Variants in CSE1L observed in about 807,000 individuals in gnomAD.
CSE1L encodes the protein exportin-2.
A neutral mutation model predicts 120.4 loss-of-function variants in CSE1L; 24 were observed. That is an observed-to-expected ratio of 0.20 (90% CI 0.14 to 0.28). The LOEUF (loss-of-function observed/expected upper bound fraction) is 0.28, where lower values mean the gene tolerates loss of function less well. Ranked by LOEUF, CSE1L falls within the 10% of genes least tolerant of loss-of-function variation. The pLI is 1.00. For missense variants in CSE1L, 830 were observed against 1,145.2 expected (o/e 0.72, Z 3.97); for synonymous variants, 402 against 398.3 (o/e 1.01, Z -0.11).
At chr20:49,073,456 T>C (rs2091946777) in intron 10 of CSE1L, among the ~76,000 whole-genome samples, 1 of 152,080 alleles carries the variant, frequency 6.6e-6, no homozygotes, top group African/African-American at 2.4e-5. Flanking sequence ...TTCTAACAGT[T>C]GTGAAGAACA....
intron 1 of CSE1L, among the ~76,000 whole-genome samples, chr20:49,054,462 C>G (rs751602318): frequency 2.6e-5 from 4 of 152,168 alleles, no homozygotes; most frequent in African/African-American, 4.8e-5. Flanking sequence ...TCATTTCCAC[C>G]TAAGAGGCAG....
chr20:49,059,607 C>T (rs952343720), intron 2 of CSE1L, among the ~76,000 whole-genome samples: 1 of 152,054 alleles, frequency 6.6e-6, no homozygotes, highest in Non-Finnish European at 1.5e-5. Flanking sequence ...GGGCCGGGTG[C>T]GGTGGCTCAC....
At chr20:49,076,424 G>A (rs772749818) in intron 12 of CSE1L, among the ~76,000 whole-genome samples, 30 of 151,258 alleles carry the variant, frequency 2.0e-4, no homozygotes, top group Non-Finnish European at 4.0e-4. Flanking sequence ...GACCTCAGGT[G>A]ATCCACCTGC....
chr20:49,084,476 C>A (rs957636024), intron 15 of CSE1L, among the ~76,000 whole-genome samples: 9 of 151,924 alleles, frequency 5.9e-5, no homozygotes, highest in Non-Finnish European at 1.2e-4. Context: ...GCAGCCAGGG[C>A]AAAGAGGGAA....
intron 8 of CSE1L, among the ~76,000 whole-genome samples, chr20:49,070,925 G>A (rs965484031): frequency 6.6e-6 from 1 of 152,238 alleles, no homozygotes; most frequent in Admixed American, 6.5e-5. Context: ...CTGGGAGACA[G>A]AGGGAGACCT....
Position 49,075,508 on chromosome 20 carries a change from C to T in CSE1L, c.1323C>T (p.Ala441=). The change falls in exon 12 of 25, where the codon GCC becomes GCT. Residue 441 remains alanine, a synonymous_variant. Transcript: ENST00000262982. The stretch of plus-strand genomic sequence containing the variant: ...TAGTGACATCTTTGGCATCAAAAGC[C>T]CAAACACAGAAGGTAAATATTTTTA... The part of the protein sequence containing the change: ...IYLVTSLASK[A]QTQKHGITQA... The T allele has an allele frequency of 6.2e-7, 1 of 1,613,784 alleles. No homozygotes were observed. Among genetic ancestry groups the T allele is most frequent in the Non-Finnish European group, 8.5e-7 (1 of 1,179,824 alleles).
intron 1 of CSE1L, among the ~76,000 whole-genome samples, chr20:49,052,932 GT>G (rs1246779975): frequency 2.0e-5 from 3 of 152,134 alleles, no homozygotes; most frequent in African/African-American, 7.2e-5. Flanking sequence ...AATCTAAGGA[GT>G]TTTAGTTGAG....
intron 21 of CSE1L, among the ~76,000 whole-genome samples, chr20:49,091,668 G>T (rs927750681): frequency 6.6e-6 from 1 of 152,144 alleles, no homozygotes; most frequent in Non-Finnish European, 1.5e-5. Flanking sequence ...GGCTGCGTGA[G>T]CTGTGATCAC....
rs140946948 is a variant in CSE1L, at chr20:49,070,720, C to A, written c.768+423C>A. The stretch of plus-strand genomic sequence containing the variant: ...CCAAGGTGGGGAGGATCCCTTGAGC[C>A]CAGGAGTTCAAGACCAGCCTTGGCA... On this transcript the variant is annotated intron_variant, in intron 8 of 24. Coordinates refer to ENST00000262982, the MANE Select transcript of CSE1L (RefSeq NM_001316.4). Among the ~76,000 whole-genome samples, 642 of 152,194 alleles carry A rather than the reference C, an allele frequency of 4.2e-3. 2 individuals are homozygous for A. Among genetic ancestry groups the A allele is most frequent in the African/African-American group, 0.015 (621 of 41,536 alleles).
rs60161542 is a variant in CSE1L at position 49,067,031 on chromosome 20, C to CAAAAAA, written c.477-139_477-134dup. ...TGGGCGACAGAGCGAGACTCCGTCT[C>CAAAAAA]AAAAAAAAAAAAAAAAAAAAAAAAA... On this transcript the variant is annotated intron_variant, in intron 5 of 24. Transcript: ENST00000262982. 3.8e-3 allele frequency among the ~76,000 whole-genome samples: 380 copies of CAAAAAA among 100,412 alleles called. 16 individuals carry two copies. Among genetic ancestry groups the CAAAAAA allele is most frequent in the Middle Eastern group, 8.1e-3 (1 of 124 alleles). 65.9% of individuals were successfully genotyped at this position (100,412 alleles called of 152,430 possible). A position where few individuals can be genotyped will look rare whatever the true frequency, so the allele number is the denominator to read the frequency against.
rs368868894 is a variant in CSE1L at position 49,062,883 on chromosome 20, A to G, written c.86-319A>G. 2.0e-5 allele frequency among the ~76,000 whole-genome samples: 3 copies of G among 151,980 alleles called. No individual in the cohort carries two copies. In the East Asian group the frequency reaches 5.8e-4, roughly 29 times the overall value. On this transcript the variant is annotated intron_variant, in intron 2 of 24. Transcript: ENST00000262982. ...CCTTTCTGAAATAAGACCTGGGTAT[A>G]TGAAGTCTTGAAGCCACTTAATCTG...
chr20:49,075,905 C>T (rs138167527), intron 12 of CSE1L, among the ~76,000 whole-genome samples: 2 of 152,198 alleles, frequency 1.3e-5, no homozygotes, highest in African/African-American at 4.8e-5. Flanking sequence ...GATCTCAGCT[C>T]ACTGCAACCT....
chr20:49,090,132 A>AAAT lies in CSE1L; in HGVS notation c.2181+401_2181+403dup, dbSNP rs538671130. Among the ~76,000 whole-genome samples, 312 of 152,162 alleles carry AAAT rather than the reference A, an allele frequency of 2.1e-3. 1 individual carries two copies. Among genetic ancestry groups the AAAT allele is most frequent in the African/African-American group, 7.0e-3 (289 of 41,516 alleles). On this transcript the variant is annotated intron_variant, in intron 19 of 24. Coordinates refer to ENST00000262982, the MANE Select transcript of CSE1L (RefSeq NM_001316.4). ...AGAGCTAGACCCTGTCTCTTAAAAA[A>AAAT]AATAATAATAATAATAACGGAAATA...
At chr20:49,047,550 TTCTTTTCTCTTTTC>T (rs1568757149) in intron 1 of CSE1L, among the ~76,000 whole-genome samples, 1 of 142,436 alleles carries the variant, frequency 7.0e-6, no homozygotes, top group Non-Finnish European at 1.5e-5. Flanking sequence ...CTTTTTCTTT[TTCTTTTCTCTTTTC>T]TTTTTTTTTT....
intron 16 of CSE1L, among the ~76,000 whole-genome samples, chr20:49,086,603 G>A (rs796393268): frequency 1.3e-5 from 2 of 152,064 alleles, no homozygotes; most frequent in African/African-American, 4.8e-5. Flanking sequence ...GACCTCAGGT[G>A]ATCCACCCGC....
intron 19 of CSE1L, among the ~76,000 whole-genome samples, 163 bp downstream of exon 19, chr20:49,089,909 G>A (rs1450655297): frequency 1.3e-5 from 2 of 152,126 alleles, no homozygotes; most frequent in Non-Finnish European, 2.9e-5. Flanking sequence ...CTTGAGCCGA[G>A]GAGTTTAAGA....
At chr20:49,058,385 G>T (rs1205753346) in intron 1 of CSE1L, 68 bp from the exon 2 acceptor site, 2 of 1,160,820 alleles carry the variant, frequency 1.7e-6, no homozygotes, top group Non-Finnish European at 2.5e-6. Flanking sequence ...AATATAAACG[G>T]ATTTCTTTAA....
Position 49,088,000 on chromosome 20 carries a change from A to G in CSE1L, c.1724-9A>G, listed in dbSNP as rs1308165462. Reference sequence around the variant, plus strand: ...CTCTATTTGTTTTTGCTGTTTTTGTATTTTACAGCTATCATGAGAAGTTTT... The same window carrying G: ...CTCTATTTGTTTTTGCTGTTTTTGTGTTTTACAGCTATCATGAGAAGTTTT... On this transcript the variant is annotated splice_polypyrimidine_tract_variant and intron_variant, in intron 16 of 24. Coordinates refer to ENST00000262982, the MANE Select transcript of CSE1L (RefSeq NM_001316.4). 6.4e-7 allele frequency: 1 copy of G among 1,551,368 alleles called. No homozygotes were observed. Among genetic ancestry groups the G allele is most frequent in the Non-Finnish European group, 8.8e-7 (1 of 1,139,242 alleles).
At chr20:49,084,216 G>T in intron 15 of CSE1L, 54 bp downstream of exon 15, 2 of 1,489,404 alleles carry the variant, frequency 1.3e-6, no homozygotes, top group Middle Eastern at 1.8e-4. Context: ...GTACTGTGCT[G>T]GTCAAAGATA....
Sources: gnomAD v4.1 joint callset for allele counts (sites outside exome capture counted in the v4.1 genomes callset) on GRCh38, gnomAD v4.1.1 for gene constraint, MANE v1.5 for transcripts, NCBI Gene and HGNC (gene_info 2026-07-23, HGNC 2026-07-21) for gene names.